Variants in ACSS3 observed in about 807,000 individuals in gnomAD.
ACSS3 encodes the protein acyl-CoA synthetase short chain family member 3.
ACSS3 carries 64 observed loss-of-function variants against 84.2 expected under a neutral mutation model. The observed-to-expected ratio is 0.76, with a 90% confidence interval of 0.62 to 0.94. The LOEUF (loss-of-function observed/expected upper bound fraction) is 0.94. Among genes scored for constraint, ACSS3 ranks in the 40% least tolerant of loss-of-function variants. The pLI, the probability that ACSS3 is intolerant of heterozygous loss-of-function variation, is 0.00. For missense variants in ACSS3, 815 were observed against 867.6 expected, an observed-to-expected ratio of 0.94 and a Z score of 0.76; for synonymous variants, 317 against 310.1, an observed-to-expected ratio of 1.02 and a Z score of -0.23.
In ACSS3 at chr12:81,197,451, G is replaced by T. The variant is rs560112301; in HGVS notation, c.1251-1890G>T. 2.6e-5 allele frequency among the ~76,000 whole-genome samples: 4 copies of T among 152,236 alleles called. No homozygotes were observed. The South Asian group carries it at 8.3e-4, about 32-fold the overall frequency. On this transcript the variant is annotated intron_variant, in intron 8 of 15. Coordinates refer to ENST00000548058, the MANE Select transcript of ACSS3 (RefSeq NM_024560.4). ...TTCTTTGTTTTGTGGCCCATCTTCTGTTGAAGTTCATGCTATCTCTTTGTA... is the reference window on the plus strand; with the variant it reads ...TTCTTTGTTTTGTGGCCCATCTTCTTTTGAAGTTCATGCTATCTCTTTGTA...
intron 9 of ACSS3, among the ~76,000 whole-genome samples, chr12:81,209,742 A>T (rs1593199310): frequency 6.6e-6 from 1 of 152,272 alleles, no homozygotes; most frequent in Non-Finnish European, 1.5e-5. Flanking sequence ...GGTTATTTTT[A>T]ATTATATGCT....
intron 13 of ACSS3, 79 bp from the exon 14 acceptor site, chr12:81,253,228 T>G (rs2034206247): frequency 2.8e-5 from 40 of 1,411,210 alleles, no homozygotes; most frequent in Non-Finnish European, 3.9e-5. Flanking sequence ...TATATCTATA[T>G]CTGTATCTAT....
At chr12:81,210,074 G>A (rs1593199633) in intron 9 of ACSS3, among the ~76,000 whole-genome samples, 1 of 152,090 alleles carries the variant, frequency 6.6e-6, no homozygotes, top group Admixed American at 6.5e-5. Flanking sequence ...CTCATCCTGT[G>A]ACTAAGAATG....
intron 2 of ACSS3, among the ~76,000 whole-genome samples, chr12:81,128,915 C>A (rs879761423): frequency 6.6e-6 from 1 of 152,100 alleles, no homozygotes; most frequent in Non-Finnish European, 1.5e-5. Flanking sequence ...TATGTTTTCC[C>A]ATGCATATTC....
chr12:81,104,034 T>C (rs377149953), intron 1 of ACSS3, among the ~76,000 whole-genome samples: 7 of 152,210 alleles, frequency 4.6e-5, no homozygotes, highest in East Asian at 3.8e-4. Context: ...TAGAGACTTC[T>C]GTTTTCAAGA....
At chr12:81,092,434 C>G (rs1881730272) in intron 1 of ACSS3, among the ~76,000 whole-genome samples, 1 of 151,976 alleles carries the variant, frequency 6.6e-6, no homozygotes, top group African/African-American at 2.4e-5. Context: ...ATAAGAGTAA[C>G]AAAATCCATT....
At chr12:81,113,995 G>A (rs1883824169) in intron 2 of ACSS3, among the ~76,000 whole-genome samples, 2 of 152,036 alleles carry the variant, frequency 1.3e-5, no homozygotes, top group South Asian at 4.1e-4. Flanking sequence ...TATAGTACTA[G>A]TCATTTTAAA....
intron 9 of ACSS3, among the ~76,000 whole-genome samples, chr12:81,212,677 A>G (rs1031767050): frequency 6.6e-6 from 1 of 152,184 alleles, no homozygotes; most frequent in African/African-American, 2.4e-5. Flanking sequence ...CTCTTGGTAT[A>G]TAGCATAATT....
chr12:81,115,935 C>T (rs537497899), intron 2 of ACSS3, among the ~76,000 whole-genome samples: 1 of 152,194 alleles, frequency 6.6e-6, no homozygotes, highest in East Asian at 1.9e-4. Flanking sequence ...TATTATGCAA[C>T]AGGAAGCACC....
intron 8 of ACSS3, among the ~76,000 whole-genome samples, chr12:81,194,860 CAA>C (rs11349258): frequency 4.7e-5 from 7 of 149,420 alleles, no homozygotes; most frequent in Admixed American, 6.7e-5. Context: ...GGGGGATAGT[CAA>C]AAAAAAAATT....
chr12:81,184,118 A>G (rs1004380360), intron 8 of ACSS3, among the ~76,000 whole-genome samples: 5 of 152,088 alleles, frequency 3.3e-5, no homozygotes, highest in Non-Finnish European at 5.9e-5. Flanking sequence ...ATATGAAACT[A>G]TAAGTTAATA....
chr12:81,199,056 G>T (rs756378790), intron 8 of ACSS3, among the ~76,000 whole-genome samples: 20 of 152,102 alleles, frequency 1.3e-4, no homozygotes, highest in Non-Finnish European at 2.8e-4. Flanking sequence ...AGATGAACAT[G>T]GCAGATCGAT....
At chr12:81,087,253 ACT>A (rs1881378302) in intron 1 of ACSS3, among the ~76,000 whole-genome samples, 2 of 152,084 alleles carry the variant, frequency 1.3e-5, no homozygotes, top group African/African-American at 4.8e-5. Flanking sequence ...TTATGACCTG[ACT>A]CTGGACAATA....
At position 81,104,254 on chromosome 12, in the gene ACSS3, C is replaced by T. The variant is rs1452984998; in HGVS notation, c.312-5306C>T. ...ACTGGGTTCTTAAGAAGCTAGCAAC[C>T]GAGAAGCACCAATAGGCACAGATTT... On this transcript the variant is annotated intron_variant, in intron 1 of 15. Coordinates refer to ENST00000548058, the MANE Select transcript of ACSS3 (RefSeq NM_024560.4). Among the ~76,000 whole-genome samples the T allele has an allele frequency of 7.2e-5, 11 of 151,910 alleles. No individual in the cohort carries two copies. The East Asian group carries it at 9.7e-4, about 13-fold the overall frequency.
intron 8 of ACSS3, among the ~76,000 whole-genome samples, chr12:81,179,302 A>G (rs1158613655): frequency 4.0e-5 from 6 of 148,948 alleles, no homozygotes; most frequent in Non-Finnish European, 8.9e-5. Context: ...AAAAGAAAAA[A>G]AAAACACAAA....
intron 9 of ACSS3, among the ~76,000 whole-genome samples, chr12:81,210,927 A>C (rs1182201400): frequency 6.6e-6 from 1 of 152,168 alleles, no homozygotes; most frequent in Admixed American, 6.5e-5. Flanking sequence ...AGGCTTTTAA[A>C]ATTTGGCTTT....
Position 81,257,009 on chromosome 12 carries a change from TAAG to T in ACSS3, c.*2089_*2091del, listed in dbSNP as rs2034324126. On this transcript the variant is annotated 3_prime_UTR_variant, in exon 16 of 16. Transcript: ENST00000548058. Reference sequence around the variant, plus strand: ...ATGTGTTTCCTTATTTTTTTTCAAATAAGAGTCAGTTAATTTGAAATGGCAAAT... The same window carrying T: ...ATGTGTTTCCTTATTTTTTTTCAAATAGTCAGTTAATTTGAAATGGCAAAT... 5 of 152,142 alleles carry T rather than the reference TAAG, an allele frequency of 3.3e-5. No individual in the cohort carries two copies. The allele number at this position is 152,142 out of a possible 1,614,324, so 9.4% of individuals were successfully genotyped here.
At position 81,253,312 on chromosome 12, in the gene ACSS3, C is replaced by A; in HGVS notation, c.1725C>A (p.Ile575=). The A allele has an allele frequency of 6.2e-7, 1 of 1,613,698 alleles. No individual in the cohort carries two copies. Among genetic ancestry groups the A allele is most frequent in the South Asian group, 1.1e-5 (1 of 91,072 alleles). Reference sequence around the variant, plus strand: ...AATGCCTTTCCTTATTACAGTCAATCCTTTCCCATGGTACCGTGGCAGACT... The same window carrying A: ...AATGCCTTTCCTTATTACAGTCAATACTTTCCCATGGTACCGTGGCAGACT... ...RISAGAIEES[I]LSHGTVADCA... is the part of the protein sequence containing the mutation. Residue 575 remains isoleucine, a synonymous_variant, in exon 14 of 16, where the codon ATC becomes ATA. Coordinates refer to ENST00000548058, the MANE Select transcript of ACSS3 (RefSeq NM_024560.4).
intron 7 of ACSS3, among the ~76,000 whole-genome samples, chr12:81,165,489 C>T (rs1046435009): frequency 3.4e-4 from 52 of 151,760 alleles, no homozygotes; most frequent in African/African-American, 1.2e-3. Context: ...ACTAAAAATA[C>T]AAAAAAATTA....
Sources: gnomAD v4.1 joint callset for allele counts (sites outside exome capture counted in the v4.1 genomes callset) on GRCh38, gnomAD v4.1.1 for gene constraint, MANE v1.5 for transcripts, NCBI Gene and HGNC (gene_info 2026-07-23, HGNC 2026-07-21) for gene names.